Variants in IL6ST observed in about 807,000 individuals in gnomAD.
IL6ST encodes interleukin-6 receptor subunit beta.
In IL6ST, 24 loss-of-function variants were observed where a neutral mutation model predicts 91.3. The ratio of observed to expected loss-of-function variants is 0.26; its 90% CI spans 0.19 to 0.37. The LOEUF is 0.37. IL6ST is among the 10% of genes least tolerant of loss of function. The pLI is 1.00. For synonymous variants in IL6ST, 351 were observed against 373.6 expected, an observed-to-expected ratio of 0.94 and a Z score of 0.70; for missense variants, 914 against 1,078.5, an observed-to-expected ratio of 0.85 and a Z score of 2.14.
chr5:55,988,893 T>C lies in IL6ST; in HGVS notation c.-104+5891A>G, dbSNP rs563926654. ...TGGGAGGCCGAGGTAGGTAGATTGC[T>C]TGAGCCCAGGAGTTCAAGACCAGCC... On this transcript the variant is annotated intron_variant, in intron 1 of 16. Transcript: ENST00000381298. Among the ~76,000 whole-genome samples, 46 of 151,682 alleles carry C rather than the reference T, an allele frequency of 3.0e-4. No homozygotes were observed. In the South Asian group the frequency reaches 9.4e-3, roughly 31 times the overall value.
intron 1 of IL6ST, among the ~76,000 whole-genome samples, chr5:55,983,853 G>A (rs1269503687): frequency 1.3e-5 from 2 of 152,112 alleles, no homozygotes; most frequent in Non-Finnish European, 2.9e-5. Context: ...TCATGTAAGT[G>A]AGAAATGTTT....
chr5:55,950,056 G>T (rs144545297), intron 14 of IL6ST: 379 of 281,582 alleles, frequency 1.3e-3, no homozygotes, highest in Middle Eastern at 2.5e-3. Context: ...AAATGATGAT[G>T]AAAGGGTACG....
chr5:55,960,886 C>T (rs763577210), intron 7 of IL6ST, among the ~76,000 whole-genome samples: 2 of 152,150 alleles, frequency 1.3e-5, no homozygotes, highest in African/African-American at 4.8e-5. Flanking sequence ...TTGCCTCGGC[C>T]TCCCAAAGTG....
At chr5:55,975,451 C>T (rs1208182675) in intron 3 of IL6ST, among the ~76,000 whole-genome samples, 3 of 152,132 alleles carry the variant, frequency 2.0e-5, no homozygotes, top group African/African-American at 7.2e-5. Context: ...GCCTACAGAA[C>T]TGTGAATCAA....
At chr5:55,991,120 T>C (rs1754304366) in intron 1 of IL6ST, among the ~76,000 whole-genome samples, 1 of 152,214 alleles carries the variant, frequency 6.6e-6, no homozygotes, top group Non-Finnish European at 1.5e-5. Context: ...GTGCCACATT[T>C]TCTTAATCCA....
intron 2 of IL6ST, among the ~76,000 whole-genome samples, chr5:55,979,633 C>T (rs2111880487): frequency 6.6e-6 from 1 of 152,300 alleles, no homozygotes; most frequent in Admixed American, 6.5e-5. Context: ...CTTCCCAATA[C>T]ATTGAACACT....
intron 1 of IL6ST, among the ~76,000 whole-genome samples, chr5:55,986,849 T>C (rs1229908473): frequency 2.0e-5 from 3 of 152,226 alleles, no homozygotes; most frequent in Non-Finnish European, 4.4e-5. Context: ...CTTTGTGCTA[T>C]TTTAGCATAT....
chr5:55,956,566 C>T (rs1001390306), intron 9 of IL6ST, among the ~76,000 whole-genome samples: 1 of 152,166 alleles, frequency 6.6e-6, no homozygotes, highest in African/African-American at 2.4e-5. Flanking sequence ...ATGATCTACT[C>T]ATGCACTTAC....
chr5:55,966,748 G>C (rs1752654735), intron 5 of IL6ST, among the ~76,000 whole-genome samples: 2 of 152,102 alleles, frequency 1.3e-5, no homozygotes. Flanking sequence ...GTAGAATCTA[G>C]GGTATGCAAG....
chr5:55,956,858 A>G (rs1752007009), intron 9 of IL6ST, among the ~76,000 whole-genome samples: 1 of 152,192 alleles, frequency 6.6e-6, no homozygotes, highest in Non-Finnish European at 1.5e-5. Flanking sequence ...TCATAATACC[A>G]TACAAAATGT....
At chr5:55,968,116 C>T (rs112102292) in intron 5 of IL6ST, among the ~76,000 whole-genome samples, 160 bp downstream of exon 5, 5,074 of 152,120 alleles carry the variant, frequency 0.033, 287 homozygotes, top group African/African-American at 0.12. Context: ...CATGAGCCAC[C>T]GCGCCTGGCC....
At chr5:55,983,412 T>C (rs551047482) in intron 1 of IL6ST, among the ~76,000 whole-genome samples, 3 of 152,240 alleles carry the variant, frequency 2.0e-5, no homozygotes, top group Non-Finnish European at 2.9e-5. Context: ...CGGAGTTCTT[T>C]AACAATCACA....
At chr5:55,981,606 G>C in intron 2 of IL6ST, among the ~76,000 whole-genome samples, 1 of 151,912 alleles carries the variant, frequency 6.6e-6, no homozygotes. Context: ...TCGTGCCATT[G>C]CACTCCAGCC....
intron 5 of IL6ST, among the ~76,000 whole-genome samples, chr5:55,964,776 G>A (rs1023011421): frequency 2.6e-5 from 4 of 151,918 alleles, no homozygotes; most frequent in Non-Finnish European, 5.9e-5. Context: ...GTCAAACTTA[G>A]GCAACTACTT....
chr5:55,959,697 G>GTA, intron 8 of IL6ST: 3 of 1,199,822 alleles, frequency 2.5e-6, no homozygotes, highest in Non-Finnish European at 3.3e-6. Context: ...TGAATAAAAG[G>GTA]TATAATACAA....
intron 8 of IL6ST, 50 bp downstream of exon 8, chr5:55,960,352 C>G: frequency 6.9e-7 from 1 of 1,458,558 alleles, no homozygotes; most frequent in Non-Finnish European, 9.5e-7. Context: ...AGAACCAGTT[C>G]ACATCTGGAA....
In IL6ST at chr5:55,937,167, T is replaced by TA. The variant is rs143157646; in HGVS notation, c.*3914dup. On this transcript the variant is annotated 3_prime_UTR_variant, in exon 17 of 17. Transcript: ENST00000381298. ...TCAGACAAAGCCTGTGTTCAAGAAA[T>TA]AAAAAAAACATCTATCACTATCGGC... The TA allele has an allele frequency of 0.025, 5,348 of 211,850 alleles. 290 individuals carry two copies. The highest frequency in any genetic ancestry group is 0.11 in the African/African-American group (4,938 of 44,066). 13.1% of individuals were successfully genotyped at this position (211,850 alleles called of 1,614,324 possible).
chr5:55,950,531 GTC>G (rs1222507316), intron 14 of IL6ST, among the ~76,000 whole-genome samples: 1 of 84,930 alleles, frequency 1.2e-5, no homozygotes, highest in Non-Finnish European at 2.0e-5. Context: ...GCGAGACTCT[GTC>G]TCAAAAAAAA....
intron 7 of IL6ST, among the ~76,000 whole-genome samples, chr5:55,961,362 G>T (rs1191193116): frequency 6.6e-6 from 1 of 152,150 alleles, no homozygotes; most frequent in East Asian, 1.9e-4. Flanking sequence ...GGGGCTTAGA[G>T]CTGTTTCTAC....
Sources: allele counts gnomAD v4.1 joint callset (sites outside exome capture counted in the v4.1 genomes callset), GRCh38; gene constraint gnomAD v4.1.1; transcripts MANE v1.5; gene names NCBI Gene and HGNC (gene_info 2026-07-23, HGNC 2026-07-21).